The following RUNX2 variants were observed in gnomAD, a reference collection of about 807,000 sequenced individuals.
RUNX2 encodes runt-related transcription factor 2.
A neutral mutation model predicts 51.7 loss-of-function variants in RUNX2; 10 were observed. The observed-to-expected ratio is 0.19, with a 90% confidence interval of 0.12 to 0.33. RUNX2 has a LOEUF of 0.33. Ranked by LOEUF, RUNX2 falls within the 10% of genes least tolerant of loss-of-function variation. The pLI is 1.00. For missense variants in RUNX2, 562 were observed against 691.3 expected (o/e 0.81, Z 2.10); for synonymous variants, 276 against 273.6 (o/e 1.01, Z -0.09).
chr6:45,378,842 T>C (rs1233857210), intron 2 of RUNX2, among the ~76,000 whole-genome samples: 1 of 152,214 alleles, frequency 6.6e-6, no homozygotes, highest in Non-Finnish European at 1.5e-5. Context: ...CTTTATATTA[T>C]ATGAAGTCTT....
intron 2 of RUNX2, among the ~76,000 whole-genome samples, chr6:45,400,769 T>C (rs1797700604): frequency 6.6e-6 from 1 of 152,196 alleles, no homozygotes; most frequent in African/African-American, 2.4e-5. Flanking sequence ...TGTGGTGAGC[T>C]TTACCGAAGG....
rs1355476175 is a variant in RUNX2, at chr6:45,545,326, G to A, written c.1087+44G>A. On this transcript the variant is annotated intron_variant, in intron 8 of 8. Coordinates refer to ENST00000647337, the MANE Select transcript of RUNX2 (RefSeq NM_001024630.4). ...GCTGGGCTGGGCAGGGCTGGGCTGG[G>A]CTGGGCTGTCTGGTTGTTACTGTCC... 3.9e-6 allele frequency: 6 copies of A among 1,544,782 alleles called. No individual in the cohort carries two copies. In the Admixed American group the frequency reaches 7.9e-5, roughly 20 times the overall value.
intron 2 of RUNX2, among the ~76,000 whole-genome samples, chr6:45,398,198 A>G (rs930948952): frequency 6.6e-6 from 1 of 152,326 alleles, no homozygotes; most frequent in Middle Eastern, 3.4e-3. Flanking sequence ...CCTGTTTATT[A>G]GGCCCCGGGT....
chr6:45,339,660 T>C (rs1789350168), intron 2 of RUNX2, among the ~76,000 whole-genome samples: 2 of 152,150 alleles, frequency 1.3e-5, no homozygotes, highest in Admixed American at 6.5e-5. Context: ...AACATTAATA[T>C]TCTTATTTTT....
At chr6:45,495,179 C>T (rs763704023) in intron 6 of RUNX2, among the ~76,000 whole-genome samples, 3 of 152,238 alleles carry the variant, frequency 2.0e-5, no homozygotes, top group Non-Finnish European at 2.9e-5. Flanking sequence ...ATCTTTTCTA[C>T]CCTGCTACAT....
intron 7 of RUNX2, among the ~76,000 whole-genome samples, chr6:45,517,147 TG>T (rs1357163745): frequency 2.0e-5 from 3 of 152,166 alleles, no homozygotes; most frequent in Non-Finnish European, 4.4e-5. Context: ...TATTCATAGA[TG>T]TTGGCTGCCT....
intron 6 of RUNX2, among the ~76,000 whole-genome samples, chr6:45,508,899 C>G (rs1197692026): frequency 6.6e-6 from 1 of 152,068 alleles, no homozygotes; most frequent in Admixed American, 6.5e-5. Context: ...AAGGTTCATT[C>G]AATAGTTGTT....
At chr6:45,478,590 C>G (rs1241350436) in intron 5 of RUNX2, among the ~76,000 whole-genome samples, 1 of 152,124 alleles carries the variant, frequency 6.6e-6, no homozygotes, top group Non-Finnish European at 1.5e-5. Context: ...TAATCAGACA[C>G]TGCCTTGGTC....
Position 45,545,301 on chromosome 6 carries a change from G to A in RUNX2, c.1087+19G>A. The A allele has an allele frequency of 6.5e-7, 1 of 1,549,852 alleles. No individual in the cohort carries two copies. The highest frequency in any genetic ancestry group is 8.7e-7 in the Non-Finnish European group (1 of 1,146,502). ...CAGGCAGGTGAGACTTTTAACAATT[G>A]CTGGGCTGGGCAGGGCTGGGCTGGG... On this transcript the variant is annotated intron_variant, in intron 8 of 8. Transcript: ENST00000647337.
intron 2 of RUNX2, among the ~76,000 whole-genome samples, chr6:45,332,982 A>C (rs553931622): frequency 1.3e-5 from 2 of 151,738 alleles, no homozygotes; most frequent in Admixed American, 1.3e-4. Flanking sequence ...CTCACCCCCC[A>C]AAAAATCATA....
chr6:45,512,211 G>T, intron 6 of RUNX2, 35 bp from the exon 7 acceptor site: 1 of 1,607,696 alleles, frequency 6.2e-7, no homozygotes, highest in Non-Finnish European at 8.5e-7. Context: ...TGCAATGGTT[G>T]CTATACTAAA....
chr6:45,475,231 G>A (rs1223596378), intron 5 of RUNX2, among the ~76,000 whole-genome samples: 1 of 151,994 alleles, frequency 6.6e-6, no homozygotes, highest in East Asian at 1.9e-4. Flanking sequence ...AAGGGCATAA[G>A]AAAGTGGCAA....
intron 4 of RUNX2, among the ~76,000 whole-genome samples, chr6:45,437,392 C>T (rs927583818): frequency 6.6e-6 from 1 of 152,154 alleles, no homozygotes; most frequent in Admixed American, 6.5e-5. Flanking sequence ...ACCACAGGCA[C>T]ATTACGGCCA....
intron 2 of RUNX2, among the ~76,000 whole-genome samples, chr6:45,400,392 C>A (rs1438371734): frequency 6.6e-6 from 1 of 152,118 alleles, no homozygotes; most frequent in Admixed American, 6.5e-5. Flanking sequence ...TTTTTCCCAC[C>A]ACAAATATTG....
chr6:45,415,481 C>T (rs540677243), intron 2 of RUNX2, among the ~76,000 whole-genome samples: 20 of 152,144 alleles, frequency 1.3e-4, no homozygotes, highest in Non-Finnish European at 2.4e-4. Flanking sequence ...GCTGTTCACA[C>T]GGAGTTGCCT....
intron 2 of RUNX2, among the ~76,000 whole-genome samples, chr6:45,415,449 G>A (rs1277107692): frequency 6.6e-6 from 1 of 152,172 alleles, no homozygotes; most frequent in Non-Finnish European, 1.5e-5. Flanking sequence ...CTGCAGATCT[G>A]CTCTCTAGGG....
intron 2 of RUNX2, among the ~76,000 whole-genome samples, chr6:45,356,621 G>A (rs544347577): frequency 6.6e-6 from 1 of 151,766 alleles, no homozygotes; most frequent in Non-Finnish European, 1.5e-5. Context: ...GGCTGGTCTC[G>A]AACTCCTGAC....
intron 2 of RUNX2, chr6:45,365,415 G>C: frequency 2.9e-6 from 2 of 685,820 alleles, no homozygotes; most frequent in Non-Finnish European, 4.7e-6. Context: ...TTAAATTTCT[G>C]ATTTGTTTTG....
intron 2 of RUNX2, among the ~76,000 whole-genome samples, chr6:45,331,405 G>C (rs1362387648): frequency 6.6e-6 from 1 of 151,804 alleles, no homozygotes; most frequent in Non-Finnish European, 1.5e-5. Flanking sequence ...CAGCAATTGT[G>C]GTCCATATCA....
Sources: allele counts gnomAD v4.1 joint callset (sites outside exome capture counted in the v4.1 genomes callset), GRCh38; gene constraint gnomAD v4.1.1; transcripts MANE v1.5; gene names NCBI Gene and HGNC (gene_info 2026-07-23, HGNC 2026-07-21).